HSPA4L: variants seen among roughly 807,000 people sequenced by gnomAD.
HSPA4L encodes heat shock protein family A (Hsp70) member 4 like.
HSPA4L carries 48 observed loss-of-function variants against 100.3 expected under a neutral mutation model. The observed-to-expected ratio is 0.48, with a 90% CI of 0.38 to 0.61. The LOEUF (loss-of-function observed/expected upper bound fraction) is 0.61, where lower values mean the gene tolerates loss of function less well. Among genes scored for constraint, HSPA4L ranks in the 20% least tolerant of loss-of-function variants. The probability of loss-of-function intolerance (pLI) is 0.00; values close to 1 mark genes in which losing one functional copy is unlikely to be tolerated. For synonymous variants in HSPA4L, 319 were observed against 328.2 expected (o/e 0.97, Z 0.30); for missense variants, 886 against 988.6 (o/e 0.90, Z 1.39).
rs908839732 is a variant in HSPA4L at position 127,791,058 on chromosome 4, G to A, written c.108-3019G>A. ...CAAGGCCTCAGTGAGCCAAGATTAC[G>A]CCACTGCACTCCAGCCTGGGTGACA... On this transcript the variant is annotated intron_variant, in intron 1 of 18. Transcript: ENST00000296464. Among the ~76,000 whole-genome samples the A allele has an allele frequency of 2.6e-5, 4 of 151,660 alleles. No homozygotes were observed. In the East Asian group the frequency reaches 5.8e-4, roughly 22 times the overall value.
At position 127,832,682 on chromosome 4, in the gene HSPA4L, G is replaced by A. The variant is rs1734112631; in HGVS notation, c.2329-1G>A. Reference sequence around the variant, plus strand: ...TATAATCAATTTCTTCATGTCTTTAGGAACTGGATAATTTCTGTAACCCCA... The same window carrying A: ...TATAATCAATTTCTTCATGTCTTTAAGAACTGGATAATTTCTGTAACCCCA... On this transcript the variant is annotated splice_acceptor_variant, in intron 18 of 18. Transcript: ENST00000296464. LOFTEE classifies it high-confidence loss of function. 6.3e-7 allele frequency: 1 copy of A among 1,591,758 alleles called. No individual in the cohort carries two copies. The highest frequency in any genetic ancestry group is 1.4e-5 in the African/African-American group (1 of 74,002).
At chr4:127,831,037 G>T (rs540128994) in intron 18 of HSPA4L, among the ~76,000 whole-genome samples, 4 of 152,094 alleles carry the variant, frequency 2.6e-5, no homozygotes, top group Non-Finnish European at 5.9e-5. Flanking sequence ...TAAAAGCAAT[G>T]TGACAACTTT....
chr4:127,795,933 C>T, intron 3 of HSPA4L, 25 bp downstream of exon 3: 4 of 1,604,684 alleles, frequency 2.5e-6, no homozygotes, highest in Non-Finnish European at 3.4e-6. Context: ...CCCAGGGTTA[C>T]AAACATATCT....
chr4:127,795,812 T>C lies in HSPA4L; in HGVS notation c.210T>C (p.Leu70=). Residue 70 remains leucine, a synonymous_variant, in exon 3 of 19, where the codon CTT becomes CTC. Coordinates refer to ENST00000296464, the MANE Select transcript of HSPA4L (RefSeq NM_014278.4). ...VRNTIHGFKK[L]HGRSFDDPIV... ...ATACAATTCATGGCTTCAAAAAGCTTCATGGGCGATCATTTGATGATCCCA... is the reference window on the plus strand; with the variant it reads ...ATACAATTCATGGCTTCAAAAAGCTCCATGGGCGATCATTTGATGATCCCA... 1 of 1,613,744 alleles carries C rather than the reference T, an allele frequency of 6.2e-7. No individual in the cohort carries two copies. Among genetic ancestry groups the C allele is most frequent in the South Asian group, 1.1e-5 (1 of 91,056 alleles).
chr4:127,803,356 C>T (rs369532414), intron 6 of HSPA4L, among the ~76,000 whole-genome samples: 2 of 71,088 alleles, frequency 2.8e-5, no homozygotes, highest in Non-Finnish European at 5.3e-5. Flanking sequence ...GATAATGAGG[C>T]TTTAGTTGTA....
At position 127,803,706 on chromosome 4, in the gene HSPA4L, G is replaced by A. The variant is rs1334041444; in HGVS notation, c.741G>A (p.Glu247=). 6.2e-7 allele frequency: 1 copy of A among 1,613,740 alleles called. No homozygotes were observed. Among genetic ancestry groups the A allele is most frequent in the Admixed American group, 1.7e-5 (1 of 59,972 alleles). ...DEALVDYFCD[E]FKTKYKINVK... ...CTTTAGTAGACTACTTCTGTGATGA[G>A]TTCAAGACCAAATATAAGATAAATG... The change falls in exon 7 of 19, where the codon GAG becomes GAA. Residue 247 remains glutamate, a synonymous_variant. Coordinates refer to ENST00000296464, the MANE Select transcript of HSPA4L (RefSeq NM_014278.4).
intron 16 of HSPA4L, 138 bp downstream of exon 16, chr4:127,823,762 A>G (rs1733875199): frequency 1.7e-6 from 1 of 591,882 alleles, no homozygotes; most frequent in Non-Finnish European, 3.0e-6. Flanking sequence ...GGTGTACGAC[A>G]TGTTTTGATT....
At chr4:127,798,504 T>C in intron 3 of HSPA4L, 83 bp from the exon 4 acceptor site, 1 of 1,335,824 alleles carries the variant, frequency 7.5e-7, no homozygotes, top group South Asian at 1.3e-5. Flanking sequence ...ATTGTATGTC[T>C]ATCACATATA....
rs971339910 is a variant in HSPA4L, at chr4:127,812,653, TTTTTG to T, written c.1578+1037_1578+1041del. On this transcript the variant is annotated intron_variant, in intron 12 of 18. Transcript: ENST00000296464. Reference sequence around the variant, plus strand: ...CTGCCCTAGATTTTTTGTTTGTTTGTTTTTGTTTTGTTTTGTTTTGTTTTTGTAGC... The same window carrying T: ...CTGCCCTAGATTTTTTGTTTGTTTGTTTTTGTTTTGTTTTGTTTTTGTAGC... The T allele has an allele frequency of 1.5e-4, 100 of 674,502 alleles. 1 individual carries two copies. Among genetic ancestry groups the T allele is most frequent in the Middle Eastern group, 3.9e-4 (1 of 2,564 alleles). 41.8% of individuals were successfully genotyped at this position (674,502 alleles called of 1,614,324 possible).
chr4:127,830,544 A>G (rs966440336), intron 17 of HSPA4L, 94 bp from the exon 18 acceptor site: 10 of 922,914 alleles, frequency 1.1e-5, no homozygotes, highest in Admixed American at 6.1e-5. Flanking sequence ...TATACAGTCA[A>G]TAAGAGTCTA....
At chr4:127,818,498 C>G in intron 13 of HSPA4L, 78 bp downstream of exon 13, 3 of 796,706 alleles carry the variant, frequency 3.8e-6, no homozygotes, top group Non-Finnish European at 4.0e-6. Context: ...TTTCTTTTAA[C>G]GCACTTGATA....
chr4:127,792,075 A>G (rs1458086522), intron 1 of HSPA4L, among the ~76,000 whole-genome samples: 2 of 152,234 alleles, frequency 1.3e-5, no homozygotes, highest in African/African-American at 2.4e-5. Context: ...TGTTTTGTTC[A>G]GCCCTTGGAA....
rs1253939207 is a variant in HSPA4L, at chr4:127,837,445, G to A, written c.*4571G>A. 1 of 152,182 alleles carries A rather than the reference G, an allele frequency of 6.6e-6. No homozygotes were observed. The highest frequency in any genetic ancestry group is 2.4e-5 in the African/African-American group (1 of 41,438). 9.4% of individuals were successfully genotyped at this position (152,182 alleles called of 1,614,324 possible). On this transcript the variant is annotated 3_prime_UTR_variant, in exon 19 of 19. Coordinates refer to ENST00000296464, the MANE Select transcript of HSPA4L (RefSeq NM_014278.4). The stretch of plus-strand genomic sequence containing the variant: ...CCCTTGATGACTTTTCATGTGGCAT[G>A]AGAGGGATATGCTTATAAAGCTTAA...
rs1734165752 is a variant in HSPA4L at position 127,834,754 on chromosome 4, A to G, written c.*1880A>G. On this transcript the variant is annotated 3_prime_UTR_variant, in exon 19 of 19. Coordinates refer to ENST00000296464, the MANE Select transcript of HSPA4L (RefSeq NM_014278.4). ...AGCTTCTATTTGGGTTAAAACATCC[A>G]CTCACTTGGTTAGGAGCTATGCCTC... 6.6e-6 allele frequency: 1 copy of G among 152,138 alleles called. No individual in the cohort carries two copies. Among genetic ancestry groups the G allele is most frequent in the Non-Finnish European group, 1.5e-5 (1 of 68,008 alleles). The allele number at this position is 152,138 out of a possible 1,614,324, so 9.4% of individuals were successfully genotyped here.
chr4:127,801,766 A>C lies in HSPA4L; in HGVS notation c.530-19A>C, dbSNP rs1413138370. On this transcript the variant is annotated intron_variant, in intron 5 of 18. Transcript: ENST00000296464. Reference sequence around the variant, plus strand: ...TAATTACTGTGCTAGAATTAACATAATTCTTTGTTCTTATACAGTTGCACT... The same window carrying C: ...TAATTACTGTGCTAGAATTAACATACTTCTTTGTTCTTATACAGTTGCACT... The C allele has an allele frequency of 1.3e-5, 20 of 1,576,660 alleles. No individual in the cohort carries two copies. The highest frequency in any genetic ancestry group is 1.7e-5 in the Non-Finnish European group (20 of 1,163,660).
chr4:127,790,552 A>G (rs567565076), intron 1 of HSPA4L, among the ~76,000 whole-genome samples: 6 of 152,322 alleles, frequency 3.9e-5, no homozygotes, highest in African/African-American at 1.4e-4. Flanking sequence ...AATCACAACT[A>G]AAGACTAGTA....
intron 5 of HSPA4L, among the ~76,000 whole-genome samples, chr4:127,801,546 T>C (rs1211191910): frequency 6.6e-6 from 1 of 151,606 alleles, no homozygotes; most frequent in South Asian, 2.1e-4. Context: ...GTACAACTTT[T>C]TGGCAGAGGT....
chr4:127,804,608 AACAC>A (rs56013070), intron 8 of HSPA4L, among the ~76,000 whole-genome samples: 63,634 of 144,116 alleles, frequency 0.44, 15,074 homozygotes, highest in Middle Eastern at 0.62. Context: ...TCTGTCTCAA[AACAC>A]ACACACACAC....
intron 1 of HSPA4L, among the ~76,000 whole-genome samples, chr4:127,788,406 C>T (rs1297077513): frequency 6.6e-6 from 1 of 152,120 alleles, no homozygotes; most frequent in Non-Finnish European, 1.5e-5. Context: ...TTTTTTAGAG[C>T]ATTCTTCCCC....
Sources: allele counts gnomAD v4.1 joint callset (sites outside exome capture counted in the v4.1 genomes callset), GRCh38; gene constraint gnomAD v4.1.1; transcripts MANE v1.5; gene names NCBI Gene and HGNC (gene_info 2026-07-23, HGNC 2026-07-21).